The following RRN3 variants were observed in gnomAD, a reference collection of about 807,000 sequenced individuals.
The protein encoded by RRN3 is RNA polymerase I transcription factor RRN3.
RRN3 carries 38 observed loss-of-function variants against 82.3 expected under a neutral mutation model. That is an observed-to-expected ratio of 0.46 (90% CI 0.36 to 0.61). The LOEUF (loss-of-function observed/expected upper bound fraction) is 0.61, where lower values mean the gene tolerates loss of function less well. RRN3 is among the 20% of genes least tolerant of loss of function. The pLI is 0.00. For missense variants in RRN3, 726 were observed against 793.1 expected, an observed-to-expected ratio of 0.92 and a Z score of 1.02; for synonymous variants, 284 against 284.3, an observed-to-expected ratio of 1.00 and a Z score of 0.01.
At chr16:15,085,017 G>A (rs2045862167) in intron 6 of RRN3, among the ~76,000 whole-genome samples, 1 of 151,632 alleles carries the variant, frequency 6.6e-6, no homozygotes, top group Admixed American at 6.6e-5. Flanking sequence ...AGCGAACCGA[G>A]ATCACACCAC....
intron 11 of RRN3, 74 bp downstream of exon 11, chr16:15,074,649 A>G (rs2045374443): frequency 9.1e-7 from 1 of 1,096,190 alleles, no homozygotes; most frequent in East Asian, 2.6e-5. Flanking sequence ...TACTAGAGAT[A>G]ATGGATGGAA....
intron 17 of RRN3, among the ~76,000 whole-genome samples, chr16:15,062,576 G>T (rs2044757259): frequency 6.6e-6 from 1 of 152,202 alleles, no homozygotes; most frequent in South Asian, 2.1e-4. Context: ...TGGAGGGTAT[G>T]TTGCAACCTG....
intron 8 of RRN3, among the ~76,000 whole-genome samples, chr16:15,081,667 A>C (rs1203275517): frequency 1.3e-5 from 2 of 152,144 alleles, no homozygotes; most frequent in Non-Finnish European, 2.9e-5. Context: ...AAGCATAACA[A>C]CGTTTAATTT....
At chr16:15,067,795 G>T (rs1416333971) in intron 15 of RRN3, among the ~76,000 whole-genome samples, 1 of 151,950 alleles carries the variant, frequency 6.6e-6, no homozygotes, top group Non-Finnish European at 1.5e-5. Context: ...TCTCATTCTG[G>T]AGCCCAGACT....
At chr16:15,085,988 AC>A (rs2045902667) in intron 5 of RRN3, 140 bp downstream of exon 5, 6 of 667,608 alleles carry the variant, frequency 9.0e-6, no homozygotes, top group Non-Finnish European at 1.6e-5. Flanking sequence ...AGGGGTCATT[AC>A]GGGGAATATA....
In RRN3 at chr16:15,073,057, T is replaced by C; in HGVS notation, c.1021A>G (p.Lys341Glu). 1 of 1,612,020 alleles carries C rather than the reference T, an allele frequency of 6.2e-7. No homozygotes were observed. ...VDGKVDNGKT[K>E]DLYRDLINIF... ...TTTATCAGGTCGCGATATAGATCCT[T>C]TGTTTTGCCGTTATCAACCTTACCT... The change falls in exon 12 of 18, where the codon AAG becomes GAG. Residue 341 changes from lysine to glutamate, a missense_variant. This residue lies in a region of RRN3 where 344 missense variants were observed against 394.5 expected (regional missense o/e 0.87). Coordinates refer to ENST00000198767, the MANE Select transcript of RRN3 (RefSeq NM_018427.5).
At chr16:15,077,676 C>G (rs2045520819) in intron 9 of RRN3, among the ~76,000 whole-genome samples, 1 of 152,152 alleles carries the variant, frequency 6.6e-6, no homozygotes, top group South Asian at 2.1e-4. Flanking sequence ...CCCATCTCTA[C>G]TAAAAATACA....
intron 8 of RRN3, among the ~76,000 whole-genome samples, chr16:15,081,891 G>A (rs2045719596): frequency 1.3e-5 from 2 of 152,136 alleles, no homozygotes; most frequent in Admixed American, 1.3e-4. Context: ...ACTTCTGCCA[G>A]CAGCATTTGT....
In RRN3 at chr16:15,070,263, A is replaced by G. The variant is rs2045165200; in HGVS notation, c.1260-9T>C. 6.2e-7 allele frequency: 1 copy of G among 1,611,678 alleles called. No individual in the cohort carries two copies. On this transcript the variant is annotated splice_polypyrimidine_tract_variant and intron_variant, in intron 13 of 17. Coordinates refer to ENST00000198767, the MANE Select transcript of RRN3 (RefSeq NM_018427.5). ...GGCATGATTTTACAGTACTAGAGAA[A>G]AGAAAAATTCAAGTCAACTTTACAC...
rs112406156 is a variant in RRN3, at chr16:15,065,467, A to G, written c.1554-96T>C. On this transcript the variant is annotated intron_variant, in intron 15 of 17. Coordinates refer to ENST00000198767, the MANE Select transcript of RRN3 (RefSeq NM_018427.5). ...CGTGTGACAACTGTACCTACCACAG[A>G]GAAATTGCTGAATATAACAAGTGCT... 1,175 of 1,006,764 alleles carry G rather than the reference A, an allele frequency of 1.2e-3. 11 individuals are homozygous for G. The African/African-American group carries it at 0.017, about 15-fold the overall frequency. 62.4% of individuals were successfully genotyped at this position (1,006,764 alleles called of 1,614,324 possible). A position where few individuals can be genotyped will look rare whatever the true frequency, so the allele number is the denominator to read the frequency against.
Position 15,094,163 on chromosome 16 carries a change from A to C in RRN3, c.71T>G (p.Leu24Arg), listed in dbSNP as rs769574456. The C allele has an allele frequency of 8.1e-6, 13 of 1,601,574 alleles. No individual in the cohort carries two copies. The East Asian group carries it at 2.9e-4, about 36-fold the overall frequency. ...ATCTTACCCAGTCCTCGACGCGCCC[A>C]GCTTCTTAACTGCAGAGGACGAAGC... ...AAASSSAVKK[L>R]GASRTGISNM... Residue 24 changes from leucine to arginine, a missense_variant, in exon 1 of 18, where the codon CTG becomes CGG. Transcript: ENST00000198767.
rs1037734814 is a variant in RRN3 at position 15,060,156 on chromosome 16, T to C, written c.*1588A>G. Reference sequence around the variant, plus strand: ...GAAATTAAACAGACTTATATGTAAATGTCTTTCTACATTAAAACTACTTCC... The same window carrying C: ...GAAATTAAACAGACTTATATGTAAACGTCTTTCTACATTAAAACTACTTCC... On this transcript the variant is annotated 3_prime_UTR_variant, in exon 18 of 18. Transcript: ENST00000198767. 1 of 420,100 alleles carries C rather than the reference T, an allele frequency of 2.4e-6. No individual in the cohort carries two copies. Among genetic ancestry groups the C allele is most frequent in the Non-Finnish European group, 4.7e-6 (1 of 212,656 alleles). 26.0% of individuals were successfully genotyped at this position (420,100 alleles called of 1,614,324 possible).
chr16:15,063,474 T>C (rs1418229242), intron 16 of RRN3, among the ~76,000 whole-genome samples, 191 bp from the exon 17 acceptor site: 1 of 151,988 alleles, frequency 6.6e-6, no homozygotes, highest in Non-Finnish European at 1.5e-5. Context: ...TTTGGGAGGC[T>C]GAGGTGGGCA....
At chr16:15,072,298 A>T (rs1327611287) in intron 12 of RRN3, among the ~76,000 whole-genome samples, 1 of 152,122 alleles carries the variant, frequency 6.6e-6, no homozygotes, top group Non-Finnish European at 1.5e-5. Context: ...TAAAGTTTTT[A>T]AAATTCTAGA....
At chr16:15,065,937 G>A (rs1164389100) in intron 15 of RRN3, among the ~76,000 whole-genome samples, 1 of 152,236 alleles carries the variant, frequency 6.6e-6, no homozygotes, top group Non-Finnish European at 1.5e-5. Context: ...AGTGAGAACA[G>A]TTAAATGCAT....
chr16:15,064,170 GT>G (rs1023278104), intron 16 of RRN3, among the ~76,000 whole-genome samples: 44 of 147,644 alleles, frequency 3.0e-4, no homozygotes, highest in Non-Finnish European at 4.1e-4. Flanking sequence ...ATCGCTTTTT[GT>G]TTTTTTTTTG....
At chr16:15,069,512 T>C (rs547478795) in intron 14 of RRN3, among the ~76,000 whole-genome samples, 2 of 152,336 alleles carry the variant, frequency 1.3e-5, no homozygotes, top group Admixed American at 6.5e-5. Flanking sequence ...AAGTAACTCT[T>C]AGAAATTAGC....
intron 3 of RRN3, among the ~76,000 whole-genome samples, chr16:15,086,834 T>C (rs2045932762): frequency 6.6e-6 from 1 of 152,204 alleles, no homozygotes; most frequent in African/African-American, 2.4e-5. Context: ...ATTTCCTCTA[T>C]ATTCAAGCTG....
chr16:15,083,039 A>G (rs1424075889), intron 8 of RRN3, among the ~76,000 whole-genome samples: 6 of 152,234 alleles, frequency 3.9e-5, no homozygotes, highest in African/African-American at 9.6e-5. Flanking sequence ...TAGCCGCTTT[A>G]TAAGAAAGGA....
Sources: allele counts gnomAD v4.1 joint callset (sites outside exome capture counted in the v4.1 genomes callset), GRCh38; gene constraint gnomAD v4.1.1; regional missense constraint gnomAD v4.1.1; transcripts MANE v1.5; gene names NCBI Gene and HGNC (gene_info 2026-07-23, HGNC 2026-07-21).